HLA-F: variants seen among roughly 807,000 people sequenced by gnomAD.
HLA-F encodes major histocompatibility complex, class I, F, also known as HLA class I histocompatibility antigen, alpha chain F.
HLA-F carries 46 observed loss-of-function variants against 49.5 expected under a neutral mutation model. The observed-to-expected ratio is 0.93, with a 90% CI of 0.73 to 1.19. The LOEUF (loss-of-function observed/expected upper bound fraction) is 1.19. Ranked by LOEUF, HLA-F falls within the 50% of genes most tolerant of loss-of-function variation. HLA-F has a pLI of 0.00. For synonymous variants in HLA-F, 203 were observed against 233.5 expected (o/e 0.87, Z 1.19); for missense variants, 496 against 579.6 (o/e 0.86, Z 1.48).
chr6:29,727,019 G>A lies in HLA-F; in HGVS notation c.1173G>A (p.Trp391Ter). 1.2e-6 allele frequency: 2 copies of A among 1,613,566 alleles called. No homozygotes were observed. Among genetic ancestry groups the A allele is most frequent in the Non-Finnish European group, 8.5e-7 (1 of 1,180,044 alleles). Residue 391 changes from tryptophan to a stop codon, truncating the protein, a stop_gained, in exon 7 of 7, where the codon TGG becomes TGA. Transcript: ENST00000259951. LOFTEE classifies it high-confidence loss of function. ...GCCGCCGGAAGGTGGGTGACATGTG[G>A]ATCTTGTTTTTTTTGTGGCTGTGGA... ...VLGRRKVGDM[W>*]ILFFLWLWTS...
At chr6:29,736,500 AG>A in intron 3 of HLA-F, 2 of 422,392 alleles carry the variant, frequency 4.7e-6, no homozygotes, top group South Asian at 3.4e-5. Context: ...ACTTGAATGA[AG>A]GACAACATGC....
downstream of HLA-F, chr6:29,728,003 A>C (rs1776268048): frequency 3.9e-6 from 2 of 518,910 alleles, no homozygotes; most frequent in South Asian, 1.4e-5. Context: ...ATTCTCATCC[A>C]GGAGCAATTT....
rs761311405 is a variant in HLA-F at position 29,723,665 on chromosome 6, C to G, written c.72C>G (p.His24Gln). The G allele has an allele frequency of 3.1e-6, 5 of 1,608,916 alleles. No homozygotes were observed. In the South Asian group the frequency reaches 5.5e-5, roughly 18 times the overall value. The change falls in exon 2 of 7, where the codon CAC (histidine) becomes CAG (glutamine). Residue 24 changes from histidine to glutamine, a missense_variant. By Grantham distance (24) the His-to-Gln change is conservative (BLOSUM62 0). Coordinates refer to ENST00000259951, the MANE Select transcript of HLA-F (RefSeq NM_001098479.2). The stretch of plus-strand genomic sequence containing the variant: ...GCCCCTCCTCGCCCCCAGGCTCCCA[C>G]TCCTTGAGGTATTTCAGCACCGCTG... ...LALTDTWAGS[H>Q]SLRYFSTAVS...
Position 29,725,562 on chromosome 6 carries a change from AG to A in HLA-F, c.1003+1del, listed in dbSNP as rs1470981758. The A allele has an allele frequency of 6.2e-7, 1 of 1,612,850 alleles. No individual in the cohort carries two copies. Among genetic ancestry groups the A allele is most frequent in the African/African-American group, 1.3e-5 (1 of 75,020 alleles). On this transcript the variant is annotated frameshift_variant and splice_region_variant, in exon 5 of 7. Coordinates refer to ENST00000259951, the MANE Select transcript of HLA-F (RefSeq NM_001098479.2). LOFTEE classifies it high-confidence loss of function. Reference protein sequence around the residue: ...AAVMWRKKSSDRNRGSYSQAA... With the variant: ...AAVMWRKKSSXRNRGSYSQAA... ...CTGTGATGTGGAGGAAGAAGAGCTCAGGTAGGAAGGGGTGAGGAGTGGAGTC... is the reference window on the plus strand; with the variant it reads ...CTGTGATGTGGAGGAAGAAGAGCTCAGTAGGAAGGGGTGAGGAGTGGAGTC...
chr6:29,726,794 C>A (rs144568882), intron 6 of HLA-F, 89 bp from the exon 7 acceptor site: 2 of 1,458,846 alleles, frequency 1.4e-6, no homozygotes, highest in African/African-American at 2.8e-5. Context: ...ATGTCACAAA[C>A]TTCTTCACAG....
chr6:29,728,278 T>C, downstream of HLA-F: 2 of 358,686 alleles, frequency 5.6e-6, no homozygotes, highest in South Asian at 4.1e-5. Flanking sequence ...AAAAGTGTGG[T>C]CCCACCCCAG....
chr6:29,736,937 G>A (rs1777153296), intron 3 of HLA-F: 2 of 152,300 alleles, frequency 1.3e-5, no homozygotes, highest in South Asian at 4.1e-4. Context: ...AACAAAAAGT[G>A]GAATTGCTGG....
chr6:29,723,558 C>T (rs1294503040), intron 1 of HLA-F, 31 bp downstream of exon 1: 17 of 1,605,682 alleles, frequency 1.1e-5, no homozygotes, highest in Non-Finnish European at 1.4e-5. Flanking sequence ...GAAACGGCCT[C>T]TGTGGGGAGG....
chr6:29,725,890 C>T (rs529397476), intron 5 of HLA-F, 121 bp from the exon 6 acceptor site: 2 of 1,089,312 alleles, frequency 1.8e-6, no homozygotes, highest in East Asian at 4.7e-5. Context: ...CTTGATCCTG[C>T]CCTGGATCTA....
chr6:29,726,700 A>G (rs1776128021), intron 6 of HLA-F, 183 bp from the exon 7 acceptor site: 1 of 1,300,418 alleles, frequency 7.7e-7, no homozygotes, highest in Non-Finnish European at 1.1e-6. Context: ...GGCAACAACC[A>G]AAGCATCGTA....
At chr6:29,736,265 C>T (rs961943549) in intron 3 of HLA-F, 8 of 366,652 alleles carry the variant, frequency 2.2e-5, no homozygotes, top group Non-Finnish European at 4.2e-5. Flanking sequence ...GGTTTTGATT[C>T]CTAGTTCCTG....
rs1775723624 is a variant in HLA-F at position 29,724,176 on chromosome 6, C to T, written c.338C>T (p.Ser113Phe). Residue 113 changes from serine to phenylalanine, a missense_variant, in exon 3 of 7, where the codon TCT (serine) becomes TTT (phenylalanine). Transcript: ENST00000259951. Reference sequence around the variant, plus strand: ...GCTGACTGCGGGGACCGGCTAGGGTCTCACACCCTCCAGGGAATGAATGGC... The same window carrying T: ...GCTGACTGCGGGGACCGGCTAGGGTTTCACACCCTCCAGGGAATGAATGGC... ...LRRYNQSEAGSHTLQGMNGCD... is the reference protein window; with the variant it reads ...LRRYNQSEAGFHTLQGMNGCD... 2 of 1,612,942 alleles carry T rather than the reference C, an allele frequency of 1.2e-6. No homozygotes were observed.
intron 3 of HLA-F, 61 bp from the exon 4 acceptor site, chr6:29,724,970 G>T: frequency 6.4e-7 from 1 of 1,572,096 alleles, no homozygotes; most frequent in Non-Finnish European, 8.7e-7. Context: ...TTGGTCACAT[G>T]GGTGCTGCTG....
intron 2 of HLA-F, 109 bp from the exon 3 acceptor site, chr6:29,724,064 C>T: frequency 6.4e-7 from 1 of 1,550,436 alleles, no homozygotes; most frequent in Non-Finnish European, 8.7e-7. Flanking sequence ...CCGGGAGAGT[C>T]CCAGGCGCCT....
rs1001133955 is a variant in HLA-F at position 29,727,200 on chromosome 6, C to T, written c.*25C>T. ...AGTCATTCTAAAGTAAGTTGCAAGA[C>T]CCATGATACTAGACCACTAAATACT... On this transcript the variant is annotated 3_prime_UTR_variant, in exon 7 of 7. Transcript: ENST00000259951. 4 of 1,470,072 alleles carry T rather than the reference C, an allele frequency of 2.7e-6. No homozygotes were observed. Among genetic ancestry groups the T allele is most frequent in the Non-Finnish European group, 3.7e-6 (4 of 1,081,750 alleles). The allele number at this position is 1,470,072 out of a possible 1,614,324, so 91.1% of individuals were successfully genotyped here.
chr6:29,729,313 A>G (rs868754450), downstream of HLA-F: 1 of 152,156 alleles, frequency 6.6e-6, no homozygotes, highest in South Asian at 2.1e-4. Context: ...TCACCTGTGG[A>G]GTAAAGACAA....
chr6:29,726,396 T>C, intron 6 of HLA-F: 1 of 1,611,834 alleles, frequency 6.2e-7, no homozygotes, highest in Non-Finnish European at 8.5e-7. Context: ...GAATATTTTC[T>C]CTATAGTGTG....
chr6:29,723,695 G>T lies in HLA-F; in HGVS notation c.102G>T (p.Ser34=), dbSNP rs1468929401. 6.2e-7 allele frequency: 1 copy of T among 1,611,324 alleles called. No individual in the cohort carries two copies. The highest frequency in any genetic ancestry group is 8.5e-7 in the Non-Finnish European group (1 of 1,179,538). Residue 34 remains serine (S), a synonymous_variant, in exon 2 of 7, where the codon TCG becomes TCT. Coordinates refer to ENST00000259951, the MANE Select transcript of HLA-F (RefSeq NM_001098479.2). The part of the protein sequence containing the change: ...HSLRYFSTAV[S]RPGRGEPRYI... ...TGAGGTATTTCAGCACCGCTGTGTC[G>T]CGGCCCGGCCGCGGGGAGCCCCGCT...
rs748780271 is a variant in HLA-F, at chr6:29,725,202, C to G, written c.782C>G (p.Thr261Ser). 1.9e-6 allele frequency: 3 copies of G among 1,614,016 alleles called. No individual in the cohort carries two copies. The highest frequency in any genetic ancestry group is 2.5e-6 in the Non-Finnish European group (3 of 1,179,944). Residue 261 changes from threonine (T) to serine (S), a missense_variant, in exon 4 of 7, where the codon ACC becomes AGC. By Grantham distance (58) the Thr-to-Ser change is moderately conservative (BLOSUM62 1). Coordinates refer to ENST00000259951, the MANE Select transcript of HLA-F (RefSeq NM_001098479.2). Reference protein sequence around the residue: ...LVETRPAGDGTFQKWAAVVVP... With the variant: ...LVETRPAGDGSFQKWAAVVVP... ...GAGACCAGGCCTGCAGGGGATGGAA[C>G]CTTCCAGAAGTGGGCCGCTGTGGTG...
Sources: allele counts gnomAD v4.1 joint callset, GRCh38; gene constraint gnomAD v4.1.1; transcripts MANE v1.5; gene names NCBI Gene and HGNC (gene_info 2026-07-23, HGNC 2026-07-21).